SLC1A2: variants seen among roughly 807,000 people sequenced by gnomAD.
SLC1A2 encodes solute carrier family 1 member 2.
Under a neutral mutation model 48.8 loss-of-function variants are expected in SLC1A2, and 15 were observed. The observed-to-expected ratio is 0.31, with a 90% confidence interval of 0.21 to 0.47. SLC1A2 has a LOEUF of 0.47. Ranked by LOEUF, SLC1A2 falls within the 20% of genes least tolerant of loss-of-function variation. The pLI, the probability that SLC1A2 is intolerant of heterozygous loss-of-function variation, is 0.99. For missense variants in SLC1A2, 502 were observed against 730.5 expected (o/e 0.69, Z 3.61); for synonymous variants, 279 against 272.6 (o/e 1.02, Z -0.23).
chr11:35,352,252 T>C lies in SLC1A2; in HGVS notation c.18-34736A>G, dbSNP rs538869182. On this transcript the variant is annotated intron_variant, in intron 1 of 10. Coordinates refer to ENST00000278379, the MANE Select transcript of SLC1A2 (RefSeq NM_004171.4). ...CTACTTACATACCATGCCCTGGTTA[T>C]GAATCTCAAACTTCATCTAGTTCCA... 5 of 152,388 alleles carry C rather than the reference T, an allele frequency of 3.3e-5. No homozygotes were observed. The South Asian group carries it at 1.0e-3, about 32-fold the overall frequency. 9.4% of individuals were successfully genotyped at this position (152,388 alleles called of 1,614,324 possible). A position where few individuals can be genotyped will look rare whatever the true frequency, so the allele number is the denominator to read the frequency against.
chr11:35,290,469 T>A (rs1850963588), intron 7 of SLC1A2, among the ~76,000 whole-genome samples: 1 of 152,100 alleles, frequency 6.6e-6, no homozygotes, highest in African/African-American at 2.4e-5. Flanking sequence ...ACATACATAG[T>A]AAGAACTTGA....
At chr11:35,334,268 T>G (rs941038938) in intron 1 of SLC1A2, among the ~76,000 whole-genome samples, 18 of 152,214 alleles carry the variant, frequency 1.2e-4, no homozygotes, top group African/African-American at 4.3e-4. Context: ...AACTGTTTCC[T>G]GATTTCATGT....
intron 9 of SLC1A2, among the ~76,000 whole-genome samples, chr11:35,270,031 C>T (rs554495004): frequency 3.9e-5 from 6 of 152,198 alleles, no homozygotes; most frequent in South Asian, 2.1e-4. Flanking sequence ...CGTTTGAGCC[C>T]GGTAGGCAGA....
At chr11:35,264,966 TGAGATGGA>T (rs1950456253) in intron 10 of SLC1A2, 1 of 150,158 alleles carries the variant, frequency 6.7e-6, no homozygotes, top group Non-Finnish European at 1.5e-5. Context: ...TTTTTTTTTT[TGAGATGGA>T]GTCTTGTTCT....
At chr11:35,386,144 C>T (rs553112628) in intron 1 of SLC1A2, among the ~76,000 whole-genome samples, 2 of 151,704 alleles carry the variant, frequency 1.3e-5, no homozygotes, top group East Asian at 1.9e-4. Context: ...CCAGCCTGGG[C>T]GACAGAGCAA....
chr11:35,395,499 C>T (rs560458776), intron 1 of SLC1A2, among the ~76,000 whole-genome samples: 23 of 151,862 alleles, frequency 1.5e-4, no homozygotes, highest in Non-Finnish European at 1.6e-4. Context: ...AGCCAGCACC[C>T]GGAAGGAGAG....
At chr11:35,356,697 AT>A (rs1261817131) in intron 1 of SLC1A2, among the ~76,000 whole-genome samples, 1 of 152,228 alleles carries the variant, frequency 6.6e-6, no homozygotes, top group Non-Finnish European at 1.5e-5. Flanking sequence ...AAGCAGGTGA[AT>A]GGCATTGACA....
intron 1 of SLC1A2, among the ~76,000 whole-genome samples, chr11:35,357,291 C>T (rs963624490): frequency 6.6e-6 from 1 of 150,436 alleles, no homozygotes; most frequent in African/African-American, 2.4e-5. Context: ...TTTTTAAAAG[C>T]AAATTCAAAT....
chr11:35,408,617 C>T (rs556593743), intron 1 of SLC1A2, among the ~76,000 whole-genome samples: 55 of 152,132 alleles, frequency 3.6e-4, no homozygotes, highest in Admixed American at 2.2e-3. Context: ...TCAGGTATGC[C>T]GGGTATATTT....
intron 4 of SLC1A2, among the ~76,000 whole-genome samples, chr11:35,308,900 AC>A (rs1851596488): frequency 6.6e-6 from 1 of 152,052 alleles, no homozygotes; most frequent in African/African-American, 2.4e-5. Flanking sequence ...GCTACCTATA[AC>A]CCTATCTATA....
chr11:35,322,876 G>A, intron 1 of SLC1A2: 2 of 640,918 alleles, frequency 3.1e-6, no homozygotes, highest in Admixed American at 4.7e-5. Context: ...TGCTTTAAAA[G>A]GGCCTGAAAC....
chr11:35,314,553 A>T (rs1335570632), intron 3 of SLC1A2, among the ~76,000 whole-genome samples: 1 of 151,998 alleles, frequency 6.6e-6, no homozygotes, highest in Non-Finnish European at 1.5e-5. Context: ...TCTCTACTAA[A>T]AATACAAAAA....
intron 10 of SLC1A2, among the ~76,000 whole-genome samples, chr11:35,262,819 C>G (rs754654480): frequency 6.6e-6 from 1 of 152,182 alleles, no homozygotes; most frequent in Non-Finnish European, 1.5e-5. Flanking sequence ...ACCAATAGAG[C>G]TATTTTCATC....
chr11:35,388,015 G>T (rs182228087), intron 1 of SLC1A2, among the ~76,000 whole-genome samples: 1 of 152,332 alleles, frequency 6.6e-6, no homozygotes, highest in African/African-American at 2.4e-5. Context: ...GGATGGGGAA[G>T]CTGAGTCTTA....
At chr11:35,322,663 G>T in intron 1 of SLC1A2, 1 of 1,531,124 alleles carries the variant, frequency 6.5e-7, no homozygotes, top group African/African-American at 1.4e-5. Context: ...TGCCCTACTG[G>T]AAGACACTAG....
intron 1 of SLC1A2, among the ~76,000 whole-genome samples, chr11:35,365,454 C>T (rs1734120755): frequency 6.6e-6 from 1 of 152,114 alleles, no homozygotes; most frequent in South Asian, 2.1e-4. Context: ...GAGTTTGAAT[C>T]CTTGTCGTAA....
intron 1 of SLC1A2, among the ~76,000 whole-genome samples, chr11:35,344,803 C>G (rs2135052455): frequency 6.6e-6 from 1 of 152,302 alleles, no homozygotes; most frequent in Non-Finnish European, 1.5e-5. Flanking sequence ...TATCTTCGAG[C>G]AATAAAAAGC....
At chr11:35,366,742 A>G (rs1042101782) in intron 1 of SLC1A2, among the ~76,000 whole-genome samples, 1 of 152,156 alleles carries the variant, frequency 6.6e-6, no homozygotes, top group Non-Finnish European at 1.5e-5. Context: ...GAAGTAACAC[A>G]TGCCACTTCC....
intron 7 of SLC1A2, among the ~76,000 whole-genome samples, chr11:35,287,285 G>GT (rs1376098803): frequency 7.8e-6 from 1 of 128,568 alleles, no homozygotes; most frequent in Non-Finnish European, 1.7e-5. Context: ...TAATTGGGTT[G>GT]CAAAAAAAAA....
Sources: gnomAD v4.1 joint callset for allele counts (sites outside exome capture counted in the v4.1 genomes callset) on GRCh38, gnomAD v4.1.1 for gene constraint, MANE v1.5 for transcripts, NCBI Gene and HGNC (gene_info 2026-07-23, HGNC 2026-07-21) for gene names.